Variants in XRCC6 observed in about 807,000 individuals in gnomAD.
The protein encoded by XRCC6 is X-ray repair cross complementing 6, also known as DNA repair protein Ku70.
Under a neutral mutation model 65.7 loss-of-function variants are expected in XRCC6, and 5 were observed. The ratio of observed to expected loss-of-function variants is 0.08; its 90% CI spans 0.04 to 0.16. The LOEUF is 0.16. Among genes scored for constraint, XRCC6 ranks in the 10% least tolerant of loss-of-function variants. The probability of loss-of-function intolerance (pLI) is 1.00; values close to 1 mark genes in which losing one functional copy is unlikely to be tolerated. For synonymous variants in XRCC6, 270 were observed against 270.6 expected (o/e 1.00, Z 0.02); for missense variants, 447 against 738.1 (o/e 0.61, Z 4.57).
At chr22:41,624,015 G>A (rs2067641085) in intron 2 of XRCC6, among the ~76,000 whole-genome samples, 1 of 152,160 alleles carries the variant, frequency 6.6e-6, no homozygotes, top group Non-Finnish European at 1.5e-5. Flanking sequence ...GAGCCACTGT[G>A]CGTGGCCTAT....
chr22:41,647,969 TCTTTC>T (rs1569092207), intron 7 of XRCC6: 1 of 143,664 alleles, frequency 7.0e-6, no homozygotes, highest in African/African-American at 2.5e-5. Context: ...CATATGTGCA[TCTTTC>T]CTTTCCTTCT....
chr22:41,630,900 C>G (rs574639565), intron 3 of XRCC6, among the ~76,000 whole-genome samples: 2,623 of 152,348 alleles, frequency 0.017, 74 homozygotes, highest in African/African-American at 0.059. Context: ...ATTTCTCAAT[C>G]TTTTCCCCAC....
chr22:41,634,390 C>T (rs111905170), intron 3 of XRCC6, among the ~76,000 whole-genome samples: 5 of 152,024 alleles, frequency 3.3e-5, no homozygotes, highest in African/African-American at 1.2e-4. Flanking sequence ...ATTGTTTTGC[C>T]ATGTTGCCCA....
intron 7 of XRCC6, among the ~76,000 whole-genome samples, chr22:41,649,160 A>ATATATATATATATATATGTATG (rs1376197191): frequency 4.3e-4 from 54 of 125,776 alleles, no homozygotes; most frequent in African/African-American, 1.8e-3. Context: ...ATATATATAT[A>ATATATATATATATATATGTATG]TATGTATGTA....
At chr22:41,631,160 C>A (rs2067742715) in intron 3 of XRCC6, among the ~76,000 whole-genome samples, 1 of 149,008 alleles carries the variant, frequency 6.7e-6, no homozygotes, top group Non-Finnish European at 1.5e-5. Flanking sequence ...CCACCTCCCT[C>A]CCGGACGGGG....
chr22:41,662,683 T>A (rs1298405955), intron 12 of XRCC6, among the ~76,000 whole-genome samples: 1 of 152,214 alleles, frequency 6.6e-6, no homozygotes, highest in Non-Finnish European at 1.5e-5. Context: ...ATTCTTGCAG[T>A]GAATTGCTTC....
At chr22:41,657,073 GA>G (rs1325239254) in intron 10 of XRCC6, 41 bp downstream of exon 10, 9 of 1,527,972 alleles carry the variant, frequency 5.9e-6, no homozygotes, top group Non-Finnish European at 7.9e-6. Flanking sequence ...CTCCTGAGTT[GA>G]AAATCTTATT....
intron 7 of XRCC6, among the ~76,000 whole-genome samples, chr22:41,648,995 T>C (rs1056625756): frequency 6.1e-4 from 26 of 42,606 alleles, no homozygotes; most frequent in African/African-American, 1.5e-3. Context: ...TCATGCACTT[T>C]TGGAGGCTGA....
intron 2 of XRCC6, 85 bp downstream of exon 2, chr22:41,622,171 T>A (rs1324987466): frequency 2.4e-5 from 33 of 1,399,528 alleles, no homozygotes; most frequent in Non-Finnish European, 3.3e-5. Flanking sequence ...CTTTGCTGTT[T>A]GATGGCCTGC....
intron 3 of XRCC6, among the ~76,000 whole-genome samples, chr22:41,629,214 A>C (rs2067713331): frequency 6.6e-6 from 1 of 152,140 alleles, no homozygotes; most frequent in Non-Finnish European, 1.5e-5. Context: ...CTTTAAATTG[A>C]GGTTGTGTTT....
chr22:41,647,958 T>G (rs1303264706), intron 7 of XRCC6: 1 of 151,396 alleles, frequency 6.6e-6, no homozygotes, highest in African/African-American at 2.4e-5. Flanking sequence ...TAAATAACTT[T>G]CATATGTGCA....
chr22:41,656,820 A>G, intron 9 of XRCC6, 83 bp from the exon 10 acceptor site: 1 of 1,595,870 alleles, frequency 6.3e-7, no homozygotes. Context: ...ACCACAGGAC[A>G]TAAAAGGAAG....
At chr22:41,627,609 CAAAA>C (rs71184821) in intron 2 of XRCC6, among the ~76,000 whole-genome samples, 2,176 of 97,450 alleles carry the variant, frequency 0.022, 53 homozygotes, top group African/African-American at 0.084. Flanking sequence ...GACTCCGTCT[CAAAA>C]AAAAAAAAAA....
At chr22:41,625,960 T>TC (rs1262370787) in intron 2 of XRCC6, among the ~76,000 whole-genome samples, 7 of 152,100 alleles carry the variant, frequency 4.6e-5, no homozygotes, top group Non-Finnish European at 8.8e-5. Context: ...TGCCTCAGCC[T>TC]CCCTAGTAGC....
intron 3 of XRCC6, among the ~76,000 whole-genome samples, chr22:41,632,546 C>T (rs752038201): frequency 3.3e-5 from 5 of 151,322 alleles, no homozygotes; most frequent in African/African-American, 9.7e-5. Flanking sequence ...GGGAGGTGGA[C>T]GTTGCAGTGA....
chr22:41,660,603 T>C (rs1182546595), intron 11 of XRCC6, among the ~76,000 whole-genome samples: 2 of 152,114 alleles, frequency 1.3e-5, no homozygotes, highest in Admixed American at 1.3e-4. Flanking sequence ...TTCTCACCTC[T>C]CTGCTGGCCC....
At chr22:41,657,490 T>TTA (rs2068055312) in intron 10 of XRCC6, among the ~76,000 whole-genome samples, 1 of 138,244 alleles carries the variant, frequency 7.2e-6, no homozygotes, top group South Asian at 2.4e-4. Flanking sequence ...TTTTTAAAAA[T>TTA]TTATTATTAT....
chr22:41,623,264 A>T (rs2067630983), intron 2 of XRCC6, among the ~76,000 whole-genome samples: 1 of 152,014 alleles, frequency 6.6e-6, no homozygotes, highest in Admixed American at 6.6e-5. Context: ...TTTTGTAGAG[A>T]CAGGATCTTG....
chr22:41,623,630 G>A (rs751104846), intron 2 of XRCC6, among the ~76,000 whole-genome samples: 2 of 152,126 alleles, frequency 1.3e-5, no homozygotes, highest in East Asian at 1.9e-4. Flanking sequence ...CTTGTGATCC[G>A]CCCTACTCAG....
Sources: gnomAD v4.1 joint callset for allele counts (sites outside exome capture counted in the v4.1 genomes callset) on GRCh38, gnomAD v4.1.1 for gene constraint, MANE v1.5 for transcripts, NCBI Gene and HGNC (gene_info 2026-07-23, HGNC 2026-07-21) for gene names.